RGS7BP: variants seen among roughly 807,000 people sequenced by gnomAD.
RGS7BP encodes regulator of G protein signaling 7 binding protein, also known as regulator of G protein signaling 7-binding protein.
Under a neutral mutation model 31.3 loss-of-function variants are expected in RGS7BP, and 9 were observed. That is an observed-to-expected ratio of 0.29 (90% confidence interval 0.17 to 0.50). RGS7BP has a LOEUF of 0.50. Among genes scored for constraint, RGS7BP ranks in the 20% least tolerant of loss-of-function variants. The probability of loss-of-function intolerance (pLI) is 0.98; values close to 1 mark genes in which losing one functional copy is unlikely to be tolerated. For missense variants in RGS7BP, 274 were observed against 322.0 expected, an observed-to-expected ratio of 0.85 and a Z score of 1.14; for synonymous variants, 115 against 120.1, an observed-to-expected ratio of 0.96 and a Z score of 0.28.
intron 2 of RGS7BP, among the ~76,000 whole-genome samples, chr5:64,570,077 C>G (rs76038477): frequency 6.6e-6 from 1 of 151,956 alleles, no homozygotes; most frequent in Non-Finnish European, 1.5e-5. Context: ...TGAGGTCACA[C>G]TTTTTTTTCC....
At chr5:64,603,844 CA>C (rs1743284324) in intron 5 of RGS7BP, among the ~76,000 whole-genome samples, 1 of 151,994 alleles carries the variant, frequency 6.6e-6, no homozygotes, top group Non-Finnish European at 1.5e-5. Context: ...GGATTGGATG[CA>C]GATGATGTGC....
At chr5:64,539,154 A>G (rs1741460051) in intron 2 of RGS7BP, among the ~76,000 whole-genome samples, 1 of 152,162 alleles carries the variant, frequency 6.6e-6, no homozygotes, top group Non-Finnish European at 1.5e-5. Context: ...CTTATGTGCT[A>G]TTTAGCATTC....
At chr5:64,545,478 C>G (rs1400176579) in intron 2 of RGS7BP, among the ~76,000 whole-genome samples, 1 of 151,134 alleles carries the variant, frequency 6.6e-6, no homozygotes, top group African/African-American at 2.4e-5. Context: ...GAGTTTTAAG[C>G]AAAACAATAA....
At chr5:64,568,731 T>A (rs1742228926) in intron 2 of RGS7BP, among the ~76,000 whole-genome samples, 1 of 151,996 alleles carries the variant, frequency 6.6e-6, no homozygotes, top group Non-Finnish European at 1.5e-5. Context: ...TAGTAGTATT[T>A]TTAGTCTTAT....
At chr5:64,507,486 T>C (rs933118622) in intron 1 of RGS7BP, among the ~76,000 whole-genome samples, 2 of 152,088 alleles carry the variant, frequency 1.3e-5, no homozygotes, top group Non-Finnish European at 2.9e-5. Context: ...GGTCTGGAAA[T>C]AGAGCTTCCA....
chr5:64,524,285 A>G (rs1469177927), intron 2 of RGS7BP, among the ~76,000 whole-genome samples: 2 of 152,158 alleles, frequency 1.3e-5, no homozygotes, highest in Non-Finnish European at 2.9e-5. Context: ...TTTTGTCCCT[A>G]TTCTAAGACT....
chr5:64,554,062 A>G (rs1561332651), intron 2 of RGS7BP, among the ~76,000 whole-genome samples: 1 of 152,134 alleles, frequency 6.6e-6, no homozygotes, highest in Non-Finnish European at 1.5e-5. Flanking sequence ...TGACCCTCCA[A>G]ATCTGCTCTT....
At chr5:64,600,052 A>G (rs1465287261) in intron 5 of RGS7BP, among the ~76,000 whole-genome samples, 1 of 152,220 alleles carries the variant, frequency 6.6e-6, no homozygotes, top group African/African-American at 2.4e-5. Flanking sequence ...AATCCCTGCT[A>G]CCACTCACTC....
At chr5:64,582,124 G>A (rs140149670) in intron 3 of RGS7BP, among the ~76,000 whole-genome samples, 8 of 152,210 alleles carry the variant, frequency 5.3e-5, no homozygotes, top group African/African-American at 1.9e-4. Flanking sequence ...GTGAAAAATA[G>A]TTGTTCTCAC....
intron 2 of RGS7BP, among the ~76,000 whole-genome samples, chr5:64,533,520 C>T (rs963892346): frequency 6.6e-6 from 1 of 152,168 alleles, no homozygotes; most frequent in African/African-American, 2.4e-5. Context: ...ATTGGGACCA[C>T]CTGGGGGGTG....
chr5:64,537,810 T>C (rs747899169), intron 2 of RGS7BP, among the ~76,000 whole-genome samples: 41 of 152,352 alleles, frequency 2.7e-4, no homozygotes, highest in Non-Finnish European at 4.8e-4. Context: ...CCTGCTCTGC[T>C]ATGCTGCTAA....
intron 3 of RGS7BP, among the ~76,000 whole-genome samples, chr5:64,588,254 C>T (rs1164103142): frequency 6.6e-6 from 1 of 152,124 alleles, no homozygotes; most frequent in African/African-American, 2.4e-5. Flanking sequence ...CTCTCACATT[C>T]GGCACATCTT....
At position 64,506,595 on chromosome 5, in the gene RGS7BP, C is replaced by A; in HGVS notation, c.-30C>A. Reference sequence around the variant, plus strand: ...CCGCCCGCGCCGGGGCGCACTGCACCAGCGGCTTCGGCTTGGTGGATGTGT... The same window carrying A: ...CCGCCCGCGCCGGGGCGCACTGCACAAGCGGCTTCGGCTTGGTGGATGTGT... On this transcript the variant is annotated 5_prime_UTR_variant, in exon 1 of 6. Transcript: ENST00000334025. The surrounding 1 kb of genome is among the most constrained non-coding windows in gnomAD (Gnocchi z 4.6). The A allele has an allele frequency of 2.6e-6, 4 of 1,566,704 alleles. No individual in the cohort carries two copies. The highest frequency in any genetic ancestry group is 1.4e-5 in the African/African-American group (1 of 73,818).
intron 2 of RGS7BP, among the ~76,000 whole-genome samples, chr5:64,543,966 C>T (rs1741587323): frequency 6.6e-6 from 1 of 152,226 alleles, no homozygotes; most frequent in Non-Finnish European, 1.5e-5. Context: ...TTTTTAAAAA[C>T]TTTTCAATGG....
chr5:64,507,989 C>A, intron 2 of RGS7BP, 112 bp downstream of exon 2: 1 of 919,106 alleles, frequency 1.1e-6, no homozygotes, highest in Admixed American at 2.9e-5. Flanking sequence ...AGATTTTAAC[C>A]TTAAGATCGA....
In RGS7BP at chr5:64,594,901, G is replaced by A. The variant is rs534601454; in HGVS notation, c.611+44G>A. ...TGAATAGACTGCCAATCCTCCTCCC[G>A]TTAATGTTCTTAGGGGCCACAGAGA... On this transcript the variant is annotated intron_variant, in intron 4 of 5. Coordinates refer to ENST00000334025, the MANE Select transcript of RGS7BP (RefSeq NM_001029875.3). 8.8e-5 allele frequency: 140 copies of A among 1,595,888 alleles called. No individual in the cohort carries two copies. In the East Asian group the frequency reaches 1.8e-3, roughly 20 times the overall value.
At position 64,556,002 on chromosome 5, in the gene RGS7BP, G is replaced by T. The variant is rs116306629; in HGVS notation, c.333-19772G>T. 4.3e-3 allele frequency among the ~76,000 whole-genome samples: 652 copies of T among 152,102 alleles called. 16 individuals carry two copies. The highest frequency in any genetic ancestry group is 3.9e-3 in the Non-Finnish European group (266 of 67,960). Reference sequence around the variant, plus strand: ...TCATCGCAGGAAATTCTGTCGATTTGTGCTGCTCTAGAGAATAGGTGTAGA... The same window carrying T: ...TCATCGCAGGAAATTCTGTCGATTTTTGCTGCTCTAGAGAATAGGTGTAGA... On this transcript the variant is annotated intron_variant, in intron 2 of 5. Transcript: ENST00000334025.
intron 2 of RGS7BP, among the ~76,000 whole-genome samples, chr5:64,551,191 C>CAGACAAAG (rs1387247556): frequency 6.6e-6 from 1 of 151,526 alleles, no homozygotes; most frequent in Non-Finnish European, 1.5e-5. Context: ...AGTGTTAAAA[C>CAGACAAAG]AGACAAAGAT....
intron 2 of RGS7BP, among the ~76,000 whole-genome samples, chr5:64,522,854 T>C (rs1009013205): frequency 3.9e-5 from 6 of 152,326 alleles, no homozygotes; most frequent in Admixed American, 2.6e-4. Flanking sequence ...GTGTAATCTT[T>C]CCAAAAGATA....
Sources: gnomAD v4.1 joint callset for allele counts (sites outside exome capture counted in the v4.1 genomes callset) on GRCh38, gnomAD v4.1.1 for gene constraint, Gnocchi (gnomAD v3.1) non-coding constraint, MANE v1.5 for transcripts, NCBI Gene and HGNC (gene_info 2026-07-23, HGNC 2026-07-21) for gene names.